Variants in ESRRB observed in about 807,000 individuals in gnomAD.
ESRRB encodes the protein steroid hormone receptor ERR2.
A neutral mutation model predicts 46.0 loss-of-function variants in ESRRB; 16 were observed. The ratio of observed to expected loss-of-function variants is 0.35; its 90% CI spans 0.24 to 0.53. The LOEUF (loss-of-function observed/expected upper bound fraction) is 0.53. Ranked by LOEUF, ESRRB falls within the 20% of genes least tolerant of loss-of-function variation. The pLI is 0.93. For synonymous variants in ESRRB, 246 were observed against 259.6 expected (o/e 0.95, Z 0.50); for missense variants, 488 against 607.4 (o/e 0.80, Z 2.07).
At chr14:76,407,367 A>G (rs941220243) in intron 1 of ESRRB, 3 of 161,146 alleles carry the variant, frequency 1.9e-5, no homozygotes, top group South Asian at 2.0e-4. Context: ...ATGCAATGTG[A>G]CCCTAGAGCC....
At chr14:76,395,049 T>TC (rs1359650713) in intron 1 of ESRRB, among the ~76,000 whole-genome samples, 3 of 152,176 alleles carry the variant, frequency 2.0e-5, no homozygotes, top group African/African-American at 7.2e-5. Context: ...CCCCGGGCCA[T>TC]CCCTGTAGGC....
chr14:76,429,588 T>C (rs1458893240), intron 1 of ESRRB, among the ~76,000 whole-genome samples: 2 of 151,872 alleles, frequency 1.3e-5, no homozygotes, highest in Non-Finnish European at 2.9e-5. Flanking sequence ...CCGTCTCTAC[T>C]AAAAATACAA....
chr14:76,480,818 C>G (rs1313044682), intron 3 of ESRRB, among the ~76,000 whole-genome samples: 1 of 152,256 alleles, frequency 6.6e-6, no homozygotes, highest in East Asian at 1.9e-4. Context: ...GGGTGATACT[C>G]ACTGCCTTTG....
chr14:76,443,827 T>C (rs2361289), intron 2 of ESRRB, among the ~76,000 whole-genome samples: 46,750 of 152,036 alleles, frequency 0.31, 9,799 homozygotes, highest in African/African-American at 0.59. Flanking sequence ...GTCTTAATTA[T>C]TTGCTACCGC....
Position 76,500,624 on chromosome 14 carries a change from CCTG to C in ESRRB, c.*2169_*2171del, listed in dbSNP as rs1475889550. On this transcript the variant is annotated 3_prime_UTR_variant, in exon 7 of 7. Coordinates refer to ENST00000644823, the MANE Select transcript of ESRRB (RefSeq NM_001379180.1). Reference sequence around the variant, plus strand: ...GAGGTAGCACCCTGCTCTGTCACTTCCTGCTCAAGCTGGAGGACCCAGGCGGCA... The same window carrying C: ...GAGGTAGCACCCTGCTCTGTCACTTCCTCAAGCTGGAGGACCCAGGCGGCA... 7.4e-5 allele frequency: 115 copies of C among 1,549,798 alleles called. No homozygotes were observed. Among genetic ancestry groups the C allele is most frequent in the Non-Finnish European group, 9.7e-5 (109 of 1,122,838 alleles).
intron 5 of ESRRB, among the ~76,000 whole-genome samples, chr14:76,490,434 AT>A (rs139350948): frequency 0.033 from 4,991 of 152,320 alleles, 262 homozygotes; most frequent in African/African-American, 0.11. Flanking sequence ...ATCATTAGTA[AT>A]AATAGCTCAG....
chr14:76,460,632 T>C (rs1888810449), intron 2 of ESRRB, among the ~76,000 whole-genome samples: 2 of 152,158 alleles, frequency 1.3e-5, no homozygotes, highest in African/African-American at 2.4e-5. Flanking sequence ...CTCAAGCACT[T>C]TGGGACAGGA....
chr14:76,485,233 ATT>A (rs34504939), intron 5 of ESRRB, among the ~76,000 whole-genome samples: 7 of 91,856 alleles, frequency 7.6e-5, no homozygotes, highest in African/African-American at 1.7e-4. Flanking sequence ...CAAATGCCTG[ATT>A]TTTTTTTTTT....
At chr14:76,364,304 C>A (rs1353527163) in intron 1 of ESRRB, among the ~76,000 whole-genome samples, 1 of 152,124 alleles carries the variant, frequency 6.6e-6, no homozygotes, top group African/African-American at 2.4e-5. Flanking sequence ...AGTAGATGGG[C>A]AAATGATGAG....
intron 1 of ESRRB, among the ~76,000 whole-genome samples, chr14:76,398,648 C>G (rs967001861): frequency 4.6e-5 from 7 of 152,080 alleles, no homozygotes; most frequent in African/African-American, 1.4e-4. Context: ...AGGGGGCATA[C>G]GTATGGGGTA....
In ESRRB at chr14:76,499,782, G is replaced by A. The variant is rs1890589453; in HGVS notation, c.*1324G>A. On this transcript the variant is annotated 3_prime_UTR_variant, in exon 7 of 7. Coordinates refer to ENST00000644823, the MANE Select transcript of ESRRB (RefSeq NM_001379180.1). ...TCTACCCCAGGCACACGGGGACAGT[G>A]GGTCACTCTATTTCTGTGGATGGCC... is the stretch of plus-strand genomic sequence containing the variant. 2 of 1,190,582 alleles carry A rather than the reference G, an allele frequency of 1.7e-6. No individual in the cohort carries two copies. Among genetic ancestry groups the A allele is most frequent in the Admixed American group, 1.7e-5 (1 of 59,434 alleles). The allele number at this position is 1,190,582 out of a possible 1,614,324, so 73.8% of individuals were successfully genotyped here.
intron 2 of ESRRB, among the ~76,000 whole-genome samples, chr14:76,442,688 TTTATC>T (rs1162169348): frequency 1.7e-4 from 26 of 152,118 alleles, no homozygotes; most frequent in African/African-American, 6.3e-4. Context: ...AACGGACACA[TTTATC>T]TTATAGAATA....
chr14:76,477,149 ACC>A (rs1184325720), intron 3 of ESRRB, among the ~76,000 whole-genome samples: 1 of 152,136 alleles, frequency 6.6e-6, no homozygotes, highest in Non-Finnish European at 1.5e-5. Flanking sequence ...ATCTTCCCCA[ACC>A]CCAGGCTAGG....
At chr14:76,323,268 T>TA (rs1324149310) in intron 1 of ESRRB, among the ~76,000 whole-genome samples, 1 of 152,022 alleles carries the variant, frequency 6.6e-6, no homozygotes, top group Non-Finnish European at 1.5e-5. Context: ...CTGGCATTCT[T>TA]AGAGTCCCCA....
chr14:76,494,200 C>T lies in ESRRB; in HGVS notation c.1120+2484C>T, dbSNP rs181044185. Among the ~76,000 whole-genome samples, 306 of 152,172 alleles carry T rather than the reference C, an allele frequency of 2.0e-3. 1 individual carries two copies. Among genetic ancestry groups the T allele is most frequent in the Non-Finnish European group, 3.4e-3 (232 of 68,014 alleles). ...AAAATAATATTAAAAATTTTACATA[C>T]GTCCACAGAGAATATTTACACATTG... On this transcript the variant is annotated intron_variant, in intron 6 of 6. Coordinates refer to ENST00000644823, the MANE Select transcript of ESRRB (RefSeq NM_001379180.1).
At chr14:76,415,954 TTGAA>T (rs1188433059) in intron 1 of ESRRB, among the ~76,000 whole-genome samples, 6 of 152,230 alleles carry the variant, frequency 3.9e-5, no homozygotes, top group Non-Finnish European at 8.8e-5. Flanking sequence ...GAAGTAGACT[TTGAA>T]TGATGTCAAA....
At chr14:76,419,767 T>G (rs1006482763) in intron 1 of ESRRB, among the ~76,000 whole-genome samples, 3 of 152,218 alleles carry the variant, frequency 2.0e-5, no homozygotes, top group Non-Finnish European at 2.9e-5. Flanking sequence ...GTCAAGAACC[T>G]GCTGAAGGTC....
upstream of ESRRB, among the ~76,000 whole-genome samples, chr14:76,367,949 C>CTTTTTTTTTTTT (rs778235037): frequency 1.0e-5 from 1 of 95,276 alleles, no homozygotes; most frequent in African/African-American, 4.2e-5. Context: ...TTCCAGTTTG[C>CTTTTTTTTTTTT]TTTTTTTTTT....
At chr14:76,462,703 C>A (rs1888923047) in intron 3 of ESRRB, 42 bp downstream of exon 3, 1 of 1,469,210 alleles carries the variant, frequency 6.8e-7, no homozygotes, top group Non-Finnish European at 9.5e-7. Context: ...TGAGGCTCTG[C>A]TTGCTGGGGA....
Sources: allele counts gnomAD v4.1 joint callset (sites outside exome capture counted in the v4.1 genomes callset), GRCh38; gene constraint gnomAD v4.1.1; transcripts MANE v1.5; gene names NCBI Gene and HGNC (gene_info 2026-07-23, HGNC 2026-07-21).